Variants in TTN observed in about 807,000 individuals in gnomAD.
TTN encodes titin.
In TTN, 1,525 loss-of-function variants were observed where a neutral mutation model predicts 3,223.0. The observed-to-expected ratio is 0.47, with a 90% CI of 0.45 to 0.49. The LOEUF is 0.49. Among genes scored for constraint, TTN ranks in the 20% least tolerant of loss-of-function variants. The pLI, the probability that TTN is intolerant of heterozygous loss-of-function variation, is 0.00. For missense variants in TTN, 40,786 were observed against 43,424.0 expected, an observed-to-expected ratio of 0.94 and a Z score of 5.40; for synonymous variants, 14,094 against 15,161.0, an observed-to-expected ratio of 0.93 and a Z score of 5.17.
Position 178,714,021 on chromosome 2 carries a change from G to A in TTN, c.26637C>T (p.Ser8879=), listed in dbSNP as rs373373178. 5.0e-6 allele frequency: 8 copies of A among 1,613,406 alleles called. No individual in the cohort carries two copies. The highest frequency in any genetic ancestry group is 6.8e-6 in the Non-Finnish European group (8 of 1,179,688). The stretch of plus-strand genomic sequence containing the variant: ...TAAGGCCGGATACTTTGTTGAAGAA[G>A]CTTATTTTGTATTTGTTGTCACTTG... The part of the protein sequence containing the change: ...ELTSDNKYKI[S]FFNKVSGLKI... The change falls in exon 92 of 363, where the codon AGC becomes AGT. Residue 8879 remains serine, a synonymous_variant. Coordinates refer to ENST00000589042, the MANE Select transcript of TTN (RefSeq NM_001267550.2).
rs2050526905 is a variant in TTN at position 178,592,854 on chromosome 2, A to G, written c.59265T>C (p.Phe19755=). ...TGLRDGQTYK[F]RVLAVNAAGE... ...CAGCTGCATTGACTGCTAACACTCT[A>G]AACTTATAGGTTTGACCGTCCCGAA... is the stretch of plus-strand genomic sequence containing the variant. The change falls in exon 300 of 363, where the codon TTT becomes TTC. Residue 19755 remains phenylalanine, a synonymous_variant. Coordinates refer to ENST00000589042, the MANE Select transcript of TTN (RefSeq NM_001267550.2). 1 of 1,613,506 alleles carries G rather than the reference A, an allele frequency of 6.2e-7. No individual in the cohort carries two copies. Among genetic ancestry groups the G allele is most frequent in the South Asian group, 1.1e-5 (1 of 91,070 alleles).
chr2:178,640,426 T>C, intron 221 of TTN, 115 bp downstream of exon 221: 1 of 954,860 alleles, frequency 1.0e-6, no homozygotes, highest in Admixed American at 2.5e-5. Context: ...AATTAAGCCA[T>C]ATGTGATTAA....
intron 47 of TTN, chr2:178,751,991 T>TCA (rs1561046258): frequency 1.3e-6 from 2 of 1,588,104 alleles, no homozygotes; most frequent in South Asian, 2.3e-5. Context: ...TGAAAAGGCG[T>TCA]CACGTGTATC....
Position 178,730,949 on chromosome 2 carries a change from A to T in TTN, c.17716T>A (p.Cys5906Ser). ...CCTAATACATTAATTCTAGCCTTGC[A>T]GCTGCTCCTCCCAACATCATTTTGG... ...EVQNDVGRSS[C>S]KARINVLDLI... Residue 5906 changes from cysteine to serine, a missense_variant, in exon 60 of 363, where the codon TGC becomes AGC. By Grantham distance (112) the Cys-to-Ser change is moderately radical. Transcript: ENST00000589042. 6.2e-7 allele frequency: 1 copy of T among 1,609,050 alleles called. No homozygotes were observed. Among genetic ancestry groups the T allele is most frequent in the Non-Finnish European group, 8.5e-7 (1 of 1,176,900 alleles).
At position 178,692,536 on chromosome 2, in the gene TTN, C is replaced by T. The variant is rs1275724680; in HGVS notation, c.31639G>A (p.Val10547Ile). Reference protein sequence around the residue: ...EKPAPEEVAPVPIPKKVEPPA... With the variant: ...EKPAPEEVAPIPIPKKVEPPA... The stretch of plus-strand genomic sequence containing the variant: ...GGCTCCACTTTTTTAGGGATAGGAA[C>T]AGGGGCCACTTCTTCTGGAGCTGGT... The change falls in exon 120 of 363, where the codon GTT (valine) becomes ATT (isoleucine). Residue 10547 changes from valine (V) to isoleucine (I), a missense_variant. Val to Ile is a conservative substitution (Grantham distance 29). Transcript: ENST00000589042. 3 of 1,583,206 alleles carry T rather than the reference C, an allele frequency of 1.9e-6. No individual in the cohort carries two copies. The South Asian group carries it at 3.5e-5, about 19-fold the overall frequency.
At chr2:178,750,291 G>C (rs761974222) in intron 47 of TTN, 1 of 1,613,122 alleles carries the variant, frequency 6.2e-7, no homozygotes, top group Admixed American at 1.7e-5. Context: ...TCATGTTTTT[G>C]TTTTGCTTTC....
chr2:178,583,517 T>C, intron 312 of TTN, 90 bp downstream of exon 312: 1 of 1,313,882 alleles, frequency 7.6e-7, no homozygotes, highest in African/African-American at 1.5e-5. Context: ...TTTCCTTTTT[T>C]CCTTAGGTGT....
At chr2:178,648,233 T>C (rs1284129578) in intron 213 of TTN, among the ~76,000 whole-genome samples, 7 of 152,050 alleles carry the variant, frequency 4.6e-5, no homozygotes, top group African/African-American at 1.7e-4. Flanking sequence ...TACTCCAAAA[T>C]ATGACCCCAT....
At chr2:178,626,084 G>C (rs144025145) in intron 240 of TTN, among the ~76,000 whole-genome samples, 2 of 152,032 alleles carry the variant, frequency 1.3e-5, no homozygotes, top group East Asian at 3.9e-4. Flanking sequence ...TTAGAAAAGC[G>C]AATTCATGAA....
intron 66 of TTN, 40 bp downstream of exon 66, chr2:178,728,460 A>G (rs1383062855): frequency 6.3e-7 from 1 of 1,587,676 alleles, no homozygotes; most frequent in Non-Finnish European, 8.6e-7. Context: ...CAAAGGACAT[A>G]CTATAAATAA....
chr2:178,741,681 A>G lies in TTN; in HGVS notation c.11552T>C (p.Ile3851Thr). The G allele has an allele frequency of 5.0e-6, 8 of 1,613,802 alleles. No individual in the cohort carries two copies. Among genetic ancestry groups the G allele is most frequent in the South Asian group, 4.4e-5 (4 of 91,082 alleles). Residue 3851 changes from isoleucine to threonine, a missense_variant, in exon 48 of 363, where the codon ATT (isoleucine) becomes ACT (threonine). Transcript: ENST00000589042. ...VTVIGIPKPKIQWFFNGVLLT... is the reference protein window; with the variant it reads ...VTVIGIPKPKTQWFFNGVLLT... ...TAGCACTCCATTAAAGAACCACTGA[A>G]TTTTAGGTTTGGGGATGCCAATGAC... is the stretch of plus-strand genomic sequence containing the variant.
At position 178,733,901 on chromosome 2, in the gene TTN, G is replaced by A. The variant is rs960578150; in HGVS notation, c.15497-9C>T. The A allele has an allele frequency of 7.0e-6, 11 of 1,574,652 alleles. No individual in the cohort carries two copies. The East Asian group carries it at 2.5e-4, about 36-fold the overall frequency. ...TACAAAGGTTGGAGGTTCTAGTTAA[G>A]GAAAGAGAGCATATAAAACATATCA... On this transcript the variant is annotated splice_polypyrimidine_tract_variant and intron_variant, in intron 52 of 362. Transcript: ENST00000589042.
rs1397282587 is a variant in TTN at position 178,611,768 on chromosome 2, T to C, written c.50541A>G (p.Glu16847=). The change falls in exon 268 of 363, where the codon GAA becomes GAG. Residue 16847 remains glutamate, a synonymous_variant. Coordinates refer to ENST00000589042, the MANE Select transcript of TTN (RefSeq NM_001267550.2). The stretch of plus-strand genomic sequence containing the variant: ...ATCAGCACTACTTACTTGTTGGATC[T>C]TCAATGGATAGGATTTCTGTGGGTT... ...PSEPTEILSI[E]DPTSPPSPPL... The C allele has an allele frequency of 6.2e-7, 1 of 1,611,854 alleles. No individual in the cohort carries two copies. Among genetic ancestry groups the C allele is most frequent in the Admixed American group, 1.7e-5 (1 of 59,758 alleles).
Position 178,629,513 on chromosome 2 carries a change from G to C in TTN, c.44282-70C>G, listed in dbSNP as rs555686242. The C allele has an allele frequency of 3.5e-4, 562 of 1,596,702 alleles. 9 individuals carry two copies. The South Asian group carries it at 6.0e-3, about 17-fold the overall frequency. ...TCCCAAAAGAATAAATAGAGACTTAGATATGAATCTTCATGGTTGCTTTCT... is the reference window on the plus strand; with the variant it reads ...TCCCAAAAGAATAAATAGAGACTTACATATGAATCTTCATGGTTGCTTTCT... On this transcript the variant is annotated intron_variant, in intron 239 of 362. Coordinates refer to ENST00000589042, the MANE Select transcript of TTN (RefSeq NM_001267550.2).
At chr2:178,615,273 A>G (rs1356681460) in intron 259 of TTN, 34 bp downstream of exon 259, 2 of 1,608,800 alleles carry the variant, frequency 1.2e-6, no homozygotes, top group Admixed American at 3.4e-5. Flanking sequence ...GACTAGGAGT[A>G]CACATTTACT....
intron 54 of TTN, 23 bp downstream of exon 54, chr2:178,733,216 C>A: frequency 6.4e-7 from 1 of 1,565,286 alleles, no homozygotes. Context: ...GCATATGTAG[C>A]ATCATTTTCT....
At chr2:178,806,501 T>C (rs966655058) in intron 1 of TTN, among the ~76,000 whole-genome samples, 17 of 152,256 alleles carry the variant, frequency 1.1e-4, no homozygotes, top group African/African-American at 4.1e-4. Context: ...TGAGTTAAAA[T>C]GCATGAAGAG....
rs370712714 is a variant in TTN at position 178,571,103 on chromosome 2, G to C, written c.75029C>G (p.Pro25010Arg). 3.7e-6 allele frequency: 6 copies of C among 1,613,364 alleles called. No individual in the cohort carries two copies. Among genetic ancestry groups the C allele is most frequent in the Non-Finnish European group, 4.2e-6 (5 of 1,179,586 alleles). ...GACAATGATTGCCTCTGGCCGTCCTGGTGGATCACATGGGTCACGAGCCAC... is the reference window on the plus strand; with the variant it reads ...GACAATGATTGCCTCTGGCCGTCCTCGTGGATCACATGGGTCACGAGCCAC... ...CYVARDPCDPPGRPEAIIVTR... is the reference protein window; with the variant it reads ...CYVARDPCDPRGRPEAIIVTR... The change falls in exon 326 of 363, where the codon CCA (proline) becomes CGA (arginine). Residue 25010 changes from proline (P) to arginine (R), a missense_variant. Pro to Arg is a moderately radical substitution (Grantham distance 103). Transcript: ENST00000589042.
At chr2:178,683,114 C>T in intron 134 of TTN, 97 bp downstream of exon 134, 1 of 997,552 alleles carries the variant, frequency 1.0e-6, no homozygotes, top group Non-Finnish European at 1.6e-6. Context: ...CCTTAATCAA[C>T]AATAAGCTAA....
Sources: gnomAD v4.1 joint callset for allele counts (sites outside exome capture counted in the v4.1 genomes callset) on GRCh38, gnomAD v4.1.1 for gene constraint, MANE v1.5 for transcripts, NCBI Gene and HGNC (gene_info 2026-07-23, HGNC 2026-07-21) for gene names.